The following RBFOX1 variants were observed in gnomAD, a reference collection of about 807,000 sequenced individuals.
RBFOX1 encodes RNA binding fox-1 homolog 1.
In RBFOX1, 8 loss-of-function variants were observed where a neutral mutation model predicts 57.7. That is an observed-to-expected ratio of 0.14 (90% CI 0.08 to 0.25). RBFOX1 has a LOEUF of 0.25. Ranked by LOEUF, RBFOX1 falls within the 10% of genes least tolerant of loss-of-function variation. The pLI is 1.00. For missense variants in RBFOX1, 611 were observed against 548.5 expected, an observed-to-expected ratio of 1.11 and a Z score of -1.14; for synonymous variants, 326 against 222.4, an observed-to-expected ratio of 1.47 and a Z score of -4.15.
intron 1 of RBFOX1, among the ~76,000 whole-genome samples, chr16:5,362,621 C>G (rs1236122702): frequency 2.0e-5 from 3 of 152,186 alleles, no homozygotes; most frequent in East Asian, 1.9e-4. Flanking sequence ...CTTGGCCTCC[C>G]AAAGTGCTGG....
intron 1 of RBFOX1, among the ~76,000 whole-genome samples, chr16:5,284,496 G>A (rs987922215): frequency 2.6e-5 from 4 of 151,112 alleles, no homozygotes; most frequent in African/African-American, 9.7e-5. Context: ...CAACAAACAA[G>A]ACACAAACAA....
At chr16:7,640,108 C>T (rs1356171657) in intron 11 of RBFOX1, among the ~76,000 whole-genome samples, 1 of 152,168 alleles carries the variant, frequency 6.6e-6, no homozygotes, top group Non-Finnish European at 1.5e-5. Flanking sequence ...GATCACAGTC[C>T]TCAGAATAGG....
At chr16:5,251,993 C>T (rs1312113585) in intron 1 of RBFOX1, among the ~76,000 whole-genome samples, 1 of 152,078 alleles carries the variant, frequency 6.6e-6, no homozygotes, top group African/African-American at 2.4e-5. Flanking sequence ...GCTGTGTATT[C>T]TAGGCCTGAG....
At position 7,711,950 on chromosome 16, in the gene RBFOX1, C is replaced by G. The variant is rs550658322; in HGVS notation, c.*1205C>G. The G allele has an allele frequency of 2.6e-5, 4 of 152,616 alleles. No individual in the cohort carries two copies. In the South Asian group the frequency reaches 6.2e-4, roughly 24 times the overall value. The allele number at this position is 152,616 out of a possible 1,614,324, so 9.5% of individuals were successfully genotyped here. ...GAGATCCTGCCCTTCCACCTCTTTC[C>G]CATACCCCCAAGGATTATCTCAAAA... is the stretch of plus-strand genomic sequence containing the variant. On this transcript the variant is annotated 3_prime_UTR_variant, in exon 16 of 16. Transcript: ENST00000550418.
intron 2 of RBFOX1, among the ~76,000 whole-genome samples, chr16:5,548,168 AAAAAAAATATATAT>A (rs1427439138): frequency 4.4e-4 from 25 of 57,172 alleles, no homozygotes; most frequent in South Asian, 1.5e-3. Flanking sequence ...TAAAAAAAAA[AAAAAAAATATATAT>A]ATATATATAT....
chr16:7,573,345 C>T (rs1040212473), intron 5 of RBFOX1, among the ~76,000 whole-genome samples: 1 of 152,140 alleles, frequency 6.6e-6, no homozygotes, highest in Non-Finnish European at 1.5e-5. Context: ...ACCTAGAGAG[C>T]CAATGACGAT....
chr16:7,586,190 G>T (rs2094113776), intron 6 of RBFOX1, among the ~76,000 whole-genome samples: 1 of 152,086 alleles, frequency 6.6e-6, no homozygotes, highest in Admixed American at 6.5e-5. Context: ...TTTTCCCTGG[G>T]CCACAGTACA....
chr16:7,574,805 C>T (rs1345878662), intron 5 of RBFOX1, among the ~76,000 whole-genome samples: 3 of 152,154 alleles, frequency 2.0e-5, no homozygotes, highest in Non-Finnish European at 4.4e-5. Context: ...ACCGTCACAA[C>T]TCCTATTGAC....
At chr16:5,416,390 T>C (rs964350839) in intron 1 of RBFOX1, among the ~76,000 whole-genome samples, 4 of 152,236 alleles carry the variant, frequency 2.6e-5, no homozygotes, top group African/African-American at 9.6e-5. Flanking sequence ...CTTTCCTTTT[T>C]TGACCTCAGT....
chr16:6,924,377 G>C (rs2075128952), intron 3 of RBFOX1, among the ~76,000 whole-genome samples: 1 of 151,952 alleles, frequency 6.6e-6, no homozygotes, highest in Admixed American at 6.6e-5. Flanking sequence ...AGAGAGGGGA[G>C]GAGGTGCCAG....
chr16:5,786,955 G>C (rs1171887010), intron 3 of RBFOX1, among the ~76,000 whole-genome samples: 1 of 152,152 alleles, frequency 6.6e-6, no homozygotes, highest in Non-Finnish European at 1.5e-5. Context: ...GGCCAACATG[G>C]TGAAACCCCA....
intron 3 of RBFOX1, among the ~76,000 whole-genome samples, chr16:6,829,656 C>T (rs1479742016): frequency 6.6e-6 from 1 of 151,996 alleles, no homozygotes; most frequent in Non-Finnish European, 1.5e-5. Flanking sequence ...TACGGCAGTG[C>T]AGGGGCGTGA....
At chr16:6,207,655 A>G (rs1203404763) in intron 1 of RBFOX1, among the ~76,000 whole-genome samples, 3 of 152,120 alleles carry the variant, frequency 2.0e-5, no homozygotes, top group Admixed American at 2.0e-4. Context: ...TTTGATGTGC[A>G]GATTGTAGAA....
At chr16:6,405,685 C>A (rs1431218010) in intron 2 of RBFOX1, among the ~76,000 whole-genome samples, 1 of 152,106 alleles carries the variant, frequency 6.6e-6, no homozygotes, top group Non-Finnish European at 1.5e-5. Context: ...ACACAAGGGT[C>A]CAAGAGGTAG....
At chr16:6,778,891 G>C (rs895227200) in intron 3 of RBFOX1, among the ~76,000 whole-genome samples, 7 of 151,556 alleles carry the variant, frequency 4.6e-5, no homozygotes, top group Middle Eastern at 6.8e-3. Context: ...AATTTTTATG[G>C]TTATGGAAGA....
At chr16:6,703,780 T>A (rs1439592428) in intron 3 of RBFOX1, 1 of 152,242 alleles carries the variant, frequency 6.6e-6, no homozygotes, top group Non-Finnish European at 1.5e-5. Flanking sequence ...TGAATCCACA[T>A]CTGTCCAACC....
intron 2 of RBFOX1, among the ~76,000 whole-genome samples, chr16:6,420,147 G>T (rs1221634334): frequency 2.0e-5 from 3 of 151,988 alleles, no homozygotes; most frequent in Non-Finnish European, 4.4e-5. Context: ...CCGTTGTCTT[G>T]CCTGCTTCAA....
rs1211925492 is a variant in RBFOX1, at chr16:5,255,358, A to ATCCATCCATCCC, written c.219+15264_219+15265insCTCCATCCATCC. ...CATCCATCCATCCATCCATCCCTCC[A>ATCCATCCATCCC]TCCATCCATCCATCCATCCATCCAG... is the stretch of plus-strand genomic sequence containing the variant. On this transcript the variant is annotated intron_variant, in intron 1 of 2. Coordinates refer to the RBFOX1 transcript ENST00000585867. Among the ~76,000 whole-genome samples the ATCCATCCATCCC allele has an allele frequency of 4.7e-5, 5 of 106,428 alleles. No homozygotes were observed. The East Asian group carries it at 1.5e-3, about 31-fold the overall frequency. 69.8% of individuals were successfully genotyped at this position (106,428 alleles called of 152,430 possible).
chr16:6,934,023 G>C lies in RBFOX1; in HGVS notation c.-15-118034G>C, dbSNP rs151210132. On this transcript the variant is annotated intron_variant, in intron 3 of 15. Coordinates refer to ENST00000550418, the MANE Select transcript of RBFOX1 (RefSeq NM_018723.4). ...CAGCCAGGGGTCAGGGAGGGGACAC[G>C]ATTGCACACTGGGCTAGAGCTGCTG... 6.4e-3 allele frequency among the ~76,000 whole-genome samples: 979 copies of C among 152,290 alleles called. 16 individuals are homozygous for C. Among genetic ancestry groups the C allele is most frequent in the African/African-American group, 0.021 (886 of 41,570 alleles).
Sources: allele counts gnomAD v4.1 joint callset (sites outside exome capture counted in the v4.1 genomes callset), GRCh38; gene constraint gnomAD v4.1.1; transcripts MANE v1.5; gene names NCBI Gene and HGNC (gene_info 2026-07-23, HGNC 2026-07-21).